BCAR3: variants seen among roughly 807,000 people sequenced by gnomAD.
BCAR3 encodes the protein breast cancer anti-estrogen resistance protein 3.
In BCAR3, 37 loss-of-function variants were observed where a neutral mutation model predicts 80.1. The ratio of observed to expected loss-of-function variants is 0.46; its 90% CI spans 0.36 to 0.61. BCAR3 has a LOEUF of 0.61. BCAR3 is among the 20% of genes least tolerant of loss of function. BCAR3 has a pLI of 0.00. For missense variants in BCAR3, 978 were observed against 1,068.2 expected (o/e 0.92, Z 1.18); for synonymous variants, 389 against 418.9 (o/e 0.93, Z 0.87).
At chr1:93,599,158 T>C (rs1260552696) in intron 3 of BCAR3, 2 of 152,120 alleles carry the variant, frequency 1.3e-5, no homozygotes, top group African/African-American at 2.4e-5. Context: ...GGGATTTTTC[T>C]AGATGGAACT....
chr1:93,645,048 G>A lies in BCAR3; in HGVS notation c.318-2705C>T, dbSNP rs1676112185. On this transcript the variant is annotated intron_variant, in intron 2 of 11. Coordinates refer to ENST00000260502, the MANE Select transcript of BCAR3 (RefSeq NM_003567.4). Reference sequence around the variant, plus strand: ...TTTTCATAGGTAAATGAGAGACTGAGTTTTTTCAGCTCTGAAGAGAAAGGG... The same window carrying A: ...TTTTCATAGGTAAATGAGAGACTGAATTTTTTCAGCTCTGAAGAGAAAGGG... Among the ~76,000 whole-genome samples the A allele has an allele frequency of 3.9e-5, 6 of 152,282 alleles. No individual in the cohort carries two copies. In the South Asian group the frequency reaches 1.2e-3, roughly 32 times the overall value.
At chr1:93,815,519 A>G (rs907180633) in intron 2 of BCAR3, among the ~76,000 whole-genome samples, 3 of 152,182 alleles carry the variant, frequency 2.0e-5, no homozygotes, top group Non-Finnish European at 4.4e-5. Context: ...TAAATGCTGA[A>G]TATAAAGTGA....
chr1:93,786,192 C>CAAAAAAAAAAAAAAAAAA (rs61644309), intron 2 of BCAR3, among the ~76,000 whole-genome samples: 2 of 23,248 alleles, frequency 8.6e-5, no homozygotes, highest in African/African-American at 3.9e-4. Flanking sequence ...GACTCCGTCT[C>CAAAAAAAAAAAAAAAAAA]AAAAAAAAAA....
At chr1:93,813,125 C>T (rs1339169544) in intron 2 of BCAR3, among the ~76,000 whole-genome samples, 1 of 152,126 alleles carries the variant, frequency 6.6e-6, no homozygotes, top group Non-Finnish European at 1.5e-5. Context: ...CTGGAATGCT[C>T]CCTGTGTCCC....
At chr1:93,718,260 T>C (rs1366532055) in intron 2 of BCAR3, among the ~76,000 whole-genome samples, 1 of 152,178 alleles carries the variant, frequency 6.6e-6, no homozygotes, top group Admixed American at 6.5e-5. Context: ...TGAAGGAAGA[T>C]AGAAGTAGTT....
chr1:93,759,276 C>T (rs1158747532), intron 2 of BCAR3, among the ~76,000 whole-genome samples: 5 of 152,234 alleles, frequency 3.3e-5, no homozygotes, highest in African/African-American at 1.2e-4. Context: ...GGAAAGATCT[C>T]TCTTTCTCTA....
At chr1:93,776,368 C>T (rs1311112684) in intron 2 of BCAR3, among the ~76,000 whole-genome samples, 1 of 152,138 alleles carries the variant, frequency 6.6e-6, no homozygotes, top group Non-Finnish European at 1.5e-5. Context: ...GTCTTCCCAC[C>T]CCCAAACATG....
chr1:93,587,403 T>A (rs778444969), intron 5 of BCAR3, among the ~76,000 whole-genome samples: 1 of 152,214 alleles, frequency 6.6e-6, no homozygotes, highest in Non-Finnish European at 1.5e-5. Context: ...GCCTGCACTG[T>A]TCTGAGCACT....
At chr1:93,671,175 A>C (rs1426790548) in intron 2 of BCAR3, among the ~76,000 whole-genome samples, 1 of 151,962 alleles carries the variant, frequency 6.6e-6, no homozygotes, top group East Asian at 1.9e-4. Flanking sequence ...TTGTATTTTT[A>C]GTAGAGATGG....
intron 8 of BCAR3, 45 bp from the exon 9 acceptor site, chr1:93,571,886 T>G: frequency 6.3e-7 from 1 of 1,575,912 alleles, no homozygotes; most frequent in Non-Finnish European, 8.6e-7. Flanking sequence ...CCAATGGGAC[T>G]AGGAGAAAAC....
chr1:93,577,436 T>C (rs1455835088), intron 7 of BCAR3, among the ~76,000 whole-genome samples: 2 of 152,292 alleles, frequency 1.3e-5, no homozygotes, highest in East Asian at 3.9e-4. Flanking sequence ...AGCTCTCTAG[T>C]GGTAGACGCC....
At position 93,562,052 on chromosome 1, in the gene BCAR3, CAGT is replaced by C. The variant is rs1385744472; in HGVS notation, c.*186_*188del. On this transcript the variant is annotated 3_prime_UTR_variant, in exon 12 of 12. Transcript: ENST00000260502. ...AATAATAAATTATTCATTTTAAAAT[CAGT>C]AGTAACTTTAGACAATTCATAAATA... is the stretch of plus-strand genomic sequence containing the variant. 4.3e-6 allele frequency: 2 copies of C among 464,710 alleles called. No homozygotes were observed. Among genetic ancestry groups the C allele is most frequent in the Admixed American group, 4.2e-5 (1 of 24,060 alleles). 28.8% of individuals were successfully genotyped at this position (464,710 alleles called of 1,614,324 possible). A position where few individuals can be genotyped will look rare whatever the true frequency, so the allele number is the denominator to read the frequency against.
intron 2 of BCAR3, among the ~76,000 whole-genome samples, chr1:93,784,126 C>T (rs547429269): frequency 6.6e-5 from 10 of 150,994 alleles, no homozygotes; most frequent in Non-Finnish European, 1.3e-4. Flanking sequence ...TCAGTTGAGC[C>T]GCATGGCTGA....
At chr1:93,722,139 G>A (rs778608356) in intron 2 of BCAR3, among the ~76,000 whole-genome samples, 18 of 152,148 alleles carry the variant, frequency 1.2e-4, no homozygotes, top group Non-Finnish European at 1.8e-4. Context: ...GCCATGGCCG[G>A]TGGCTAAGGA....
At chr1:93,566,334 C>A (rs903156035) in intron 11 of BCAR3, among the ~76,000 whole-genome samples, 2 of 152,110 alleles carry the variant, frequency 1.3e-5, no homozygotes, top group Admixed American at 1.3e-4. Context: ...GAAGCTGTCA[C>A]CAGGTGCTTC....
At chr1:93,753,546 ACACACAC>A (rs1651638354) in intron 2 of BCAR3, 1 of 234 alleles carries the variant, frequency 4.3e-3, no homozygotes, top group African/African-American at 9.6e-3. Context: ...ACGCGGGTAC[ACACACAC>A]ACACACACAC....
chr1:93,762,802 C>T (rs1302864205), intron 2 of BCAR3, among the ~76,000 whole-genome samples: 1 of 152,088 alleles, frequency 6.6e-6, no homozygotes, highest in Non-Finnish European at 1.5e-5. Context: ...AGTTGCCTCA[C>T]CCACTCTCTC....
At chr1:93,751,524 C>A (rs528036604) in intron 2 of BCAR3, among the ~76,000 whole-genome samples, 14 of 152,318 alleles carry the variant, frequency 9.2e-5, no homozygotes, top group Non-Finnish European at 1.5e-4. Context: ...TCCTGCCATG[C>A]CTCGGGCTCA....
intron 2 of BCAR3, among the ~76,000 whole-genome samples, chr1:93,749,403 A>G (rs1651467849): frequency 6.6e-6 from 1 of 152,014 alleles, no homozygotes; most frequent in Admixed American, 6.6e-5. Context: ...CCTGGCTAAC[A>G]TGGTGAAACC....
Sources: allele counts gnomAD v4.1 joint callset (sites outside exome capture counted in the v4.1 genomes callset), GRCh38; gene constraint gnomAD v4.1.1; transcripts MANE v1.5; gene names NCBI Gene and HGNC (gene_info 2026-07-23, HGNC 2026-07-21).